RPS3: variants seen among roughly 807,000 people sequenced by gnomAD.
RPS3 encodes the protein ribosomal protein S3, also known as small ribosomal subunit protein uS3.
RPS3 carries 2 observed loss-of-function variants against 25.8 expected under a neutral mutation model. The ratio of observed to expected loss-of-function variants is 0.08; its 90% CI spans 0.03 to 0.24. The LOEUF (loss-of-function observed/expected upper bound fraction) is 0.24. Ranked by LOEUF, RPS3 falls within the 10% of genes least tolerant of loss-of-function variation. RPS3 has a pLI of 1.00. For missense variants in RPS3, 107 were observed against 307.1 expected (o/e 0.35, Z 4.87); for synonymous variants, 114 against 114.2 (o/e 1.00, Z 0.01).
chr11:75,401,882 G>A (rs1948214857), intron 3 of RPS3, 149 bp downstream of exon 3: 2 of 613,276 alleles, frequency 3.3e-6, no homozygotes, highest in Non-Finnish European at 5.9e-6. Context: ...GCTTAACTTT[G>A]TAAGCCTATT....
intron 6 of RPS3, among the ~76,000 whole-genome samples, chr11:75,414,329 C>A (rs1025268810): frequency 6.6e-6 from 1 of 152,074 alleles, no homozygotes; most frequent in South Asian, 2.1e-4. Flanking sequence ...AGGTTACTGT[C>A]GGCCGGGTGC....
At chr11:75,412,826 G>GATAAAATGCACTGCATTTT (rs913825786) in intron 6 of RPS3, among the ~76,000 whole-genome samples, 7 of 152,150 alleles carry the variant, frequency 4.6e-5, no homozygotes, top group Non-Finnish European at 1.0e-4. Context: ...GCCCAGGCTG[G>GATAAAATGCACTGCATTTT]AGTGCAGTGG....
At chr11:75,402,297 CT>C in intron 3 of RPS3, 54 bp from the exon 4 acceptor site, 4 of 1,595,944 alleles carry the variant, frequency 2.5e-6, no homozygotes, top group Non-Finnish European at 2.6e-6. Context: ...AAATTTTCAA[CT>C]TTCAGTTGAA....
At chr11:75,418,777 T>C (rs1420273720) in intron 6 of RPS3, among the ~76,000 whole-genome samples, 1 of 152,204 alleles carries the variant, frequency 6.6e-6, no homozygotes, top group Non-Finnish European at 1.5e-5. Flanking sequence ...ATGCCTCTGC[T>C]GCCTGGTCCA....
At chr11:75,401,090 G>A (rs1269583868) in intron 2 of RPS3, among the ~76,000 whole-genome samples, 1 of 152,084 alleles carries the variant, frequency 6.6e-6, no homozygotes, top group Non-Finnish European at 1.5e-5. Context: ...CACCGTGTTA[G>A]CCAGGACGGT....
At chr11:75,400,877 GTTTA>G (rs747365865) in intron 2 of RPS3, 53 bp downstream of exon 2, 138 of 1,569,504 alleles carry the variant, frequency 8.8e-5, no homozygotes, top group East Asian at 6.7e-4. Flanking sequence ...TGCTAAGTTG[GTTTA>G]TTTATTTATT....
In RPS3 at chr11:75,402,251, C is replaced by A. The variant is rs895692591; in HGVS notation, c.256-101C>A. On this transcript the variant is annotated intron_variant, in intron 3 of 6. Transcript: ENST00000531188. ...GCATGCGGCCCGTGGGTTGGGCAAGCTTGGTGTAGAAAGTGATACTTGTGT... is the reference window on the plus strand; with the variant it reads ...GCATGCGGCCCGTGGGTTGGGCAAGATTGGTGTAGAAAGTGATACTTGTGT... 25 of 1,568,958 alleles carry A rather than the reference C, an allele frequency of 1.6e-5. No individual in the cohort carries two copies. In the African/African-American group the frequency reaches 3.1e-4, roughly 19 times the overall value.
At chr11:75,408,027 C>T (rs1158428036), downstream of RPS3, among the ~76,000 whole-genome samples, 1 of 152,074 alleles carries the variant, frequency 6.6e-6, no homozygotes, top group Non-Finnish European at 1.5e-5. Flanking sequence ...TAATAGATTA[C>T]TGAATTATTG....
downstream of RPS3, among the ~76,000 whole-genome samples, chr11:75,411,043 G>C (rs544304172): frequency 1.3e-3 from 201 of 151,800 alleles, no homozygotes; most frequent in African/African-American, 4.5e-3. Context: ...CGCCTGGCTA[G>C]TTTTTTGTAT....
downstream of RPS3, among the ~76,000 whole-genome samples, chr11:75,408,326 A>C (rs932915770): frequency 3.9e-5 from 6 of 152,112 alleles, no homozygotes; most frequent in African/African-American, 1.4e-4. Context: ...AACATGGTGA[A>C]ACCCTGTCTC....
At chr11:75,400,253 A>G (rs958958629) in intron 1 of RPS3, 4 of 421,494 alleles carry the variant, frequency 9.5e-6, no homozygotes, top group East Asian at 1.1e-4. Flanking sequence ...GGTTGTGTCT[A>G]CAAGTGAGAG....
Position 75,405,819 on chromosome 11 carries a change from C to A in RPS3, c.*209C>A. On this transcript the variant is annotated 3_prime_UTR_variant, in exon 7 of 7. Coordinates refer to ENST00000531188, the MANE Select transcript of RPS3 (RefSeq NM_001005.5). Reference sequence around the variant, plus strand: ...CCAGAACAGTAAGACCCAAGCAGAGCCAACCAGAGAAATAATATTTGTGTG... The same window carrying A: ...CCAGAACAGTAAGACCCAAGCAGAGACAACCAGAGAAATAATATTTGTGTG... 1 of 279,268 alleles carries A rather than the reference C, an allele frequency of 3.6e-6. No homozygotes were observed. Among genetic ancestry groups the A allele is most frequent in the East Asian group, 9.5e-5 (1 of 10,558 alleles). 17.3% of individuals were successfully genotyped at this position (279,268 alleles called of 1,614,324 possible). A position where few individuals can be genotyped will look rare whatever the true frequency, so the allele number is the denominator to read the frequency against.
chr11:75,410,375 C>T (rs1339147532), downstream of RPS3, among the ~76,000 whole-genome samples: 3 of 151,842 alleles, frequency 2.0e-5, no homozygotes, highest in Non-Finnish European at 2.9e-5. Flanking sequence ...AGGTGCTCCC[C>T]ACATCTCAGA....
chr11:75,405,137 A>C lies in RPS3; in HGVS notation c.*3+269A>C, dbSNP rs193247523. On this transcript the variant is annotated intron_variant, in intron 6 of 6. Transcript: ENST00000531188. ...TTCCCTTATCCTCCCTTATTTGCTC[A>C]AAATTTTTGGCTCAGTGCAACCTCT... The C allele has an allele frequency of 4.0e-4, 107 of 269,932 alleles. No homozygotes were observed. The East Asian group carries it at 6.3e-3, about 16-fold the overall frequency. The allele number at this position is 269,932 out of a possible 1,614,324, so 16.7% of individuals were successfully genotyped here.
At chr11:75,403,135 G>A (rs1948235898) in intron 4 of RPS3, 1 of 152,224 alleles carries the variant, frequency 6.6e-6, no homozygotes, top group South Asian at 2.1e-4. Context: ...GACTGGTAGG[G>A]ATGGGTAGTG....
downstream of RPS3, among the ~76,000 whole-genome samples, chr11:75,409,795 G>T (rs1342096253): frequency 2.0e-5 from 3 of 150,034 alleles, no homozygotes; most frequent in African/African-American, 5.0e-5. Flanking sequence ...CCCGGATGGG[G>T]CGGCTGGCTG....
chr11:75,410,526 C>T (rs1317579956), downstream of RPS3, among the ~76,000 whole-genome samples: 25 of 150,122 alleles, frequency 1.7e-4, no homozygotes, highest in Admixed American at 4.7e-4. Context: ...GGCAGAGGGG[C>T]TCCTCATATC....
chr11:75,417,043 A>T (rs567428134), intron 6 of RPS3, among the ~76,000 whole-genome samples: 20 of 152,230 alleles, frequency 1.3e-4, no homozygotes, highest in Non-Finnish European at 2.4e-4. Flanking sequence ...TAATTGTTAT[A>T]TGCCCTGAGC....
At chr11:75,409,017 A>G (rs111621846), downstream of RPS3, among the ~76,000 whole-genome samples, 6 of 151,566 alleles carry the variant, frequency 4.0e-5, no homozygotes, top group East Asian at 9.8e-4. Context: ...GTCTGGCTCT[A>G]TTGCCCAGGC....
Sources: gnomAD v4.1 joint callset for allele counts (sites outside exome capture counted in the v4.1 genomes callset) on GRCh38, gnomAD v4.1.1 for gene constraint, MANE v1.5 for transcripts, NCBI Gene and HGNC (gene_info 2026-07-23, HGNC 2026-07-21) for gene names.